TRPC4: variants seen among roughly 807,000 people sequenced by gnomAD.
TRPC4 encodes short transient receptor potential channel 4.
In TRPC4, 49 loss-of-function variants were observed where a neutral mutation model predicts 99.4. That is an observed-to-expected ratio of 0.49 (90% CI 0.39 to 0.63). The LOEUF (loss-of-function observed/expected upper bound fraction) is 0.63, where lower values mean the gene tolerates loss of function less well. Among genes scored for constraint, TRPC4 ranks in the 20% least tolerant of loss-of-function variants. TRPC4 has a pLI of 0.00. For missense variants in TRPC4, 898 were observed against 1,152.9 expected (o/e 0.78, Z 3.20); for synonymous variants, 454 against 425.9 (o/e 1.07, Z -0.81).
chr13:37,823,525 G>A (rs1250306929), intron 1 of TRPC4, among the ~76,000 whole-genome samples: 1 of 151,332 alleles, frequency 6.6e-6, no homozygotes, highest in Non-Finnish European at 1.5e-5. Context: ...TTATTAAATA[G>A]GGAATCCTTT....
At chr13:37,822,151 C>A (rs138509284) in intron 1 of TRPC4, among the ~76,000 whole-genome samples, 1 of 151,966 alleles carries the variant, frequency 6.6e-6, no homozygotes, top group Non-Finnish European at 1.5e-5. Flanking sequence ...CATGAACAGA[C>A]ACTTTTCCAA....
At chr13:37,845,213 A>T (rs1206796863) in intron 1 of TRPC4, among the ~76,000 whole-genome samples, 1 of 152,164 alleles carries the variant, frequency 6.6e-6, no homozygotes, top group Non-Finnish European at 1.5e-5. Flanking sequence ...CATCTCCTCA[A>T]ATGTGGAGGC....
rs1169557625 is a variant in TRPC4 at position 37,754,646 on chromosome 13, C to A, written c.379-8191G>T. ...AGTAGAAGAGGCAATTAAAAGAAGA[C>A]CCTGAAATTAAACCAAATAAATCCC... On this transcript the variant is annotated intron_variant, in intron 2 of 10. Coordinates refer to ENST00000379705, the MANE Select transcript of TRPC4 (RefSeq NM_016179.4). Among the ~76,000 whole-genome samples the A allele has an allele frequency of 2.0e-5, 3 of 152,116 alleles. No homozygotes were observed. In the East Asian group the frequency reaches 5.8e-4, roughly 29 times the overall value.
At chr13:37,696,339 A>C (rs973787261) in intron 3 of TRPC4, among the ~76,000 whole-genome samples, 1 of 152,280 alleles carries the variant, frequency 6.6e-6, no homozygotes, top group South Asian at 2.1e-4. Flanking sequence ...CATATCAACT[A>C]TCTAGAAAAG....
chr13:37,768,374 A>G (rs1324913828), intron 2 of TRPC4, among the ~76,000 whole-genome samples: 1 of 151,508 alleles, frequency 6.6e-6, no homozygotes, highest in Non-Finnish European at 1.5e-5. Flanking sequence ...CCATGTTACC[A>G]TGTAGCAGGG....
intron 1 of TRPC4, among the ~76,000 whole-genome samples, chr13:37,832,793 G>C (rs114109217): frequency 6.6e-6 from 1 of 152,138 alleles, no homozygotes; most frequent in African/African-American, 2.4e-5. Flanking sequence ...TAAATGTAAA[G>C]ATAACAGTTA....
At chr13:37,732,901 G>C (rs188928007) in intron 3 of TRPC4, among the ~76,000 whole-genome samples, 80 of 152,188 alleles carry the variant, frequency 5.3e-4, no homozygotes, top group African/African-American at 1.9e-3. Context: ...AGCAACTACG[G>C]ATTCAACTAC....
At chr13:37,722,519 T>C (rs1954906541) in intron 3 of TRPC4, among the ~76,000 whole-genome samples, 1 of 152,192 alleles carries the variant, frequency 6.6e-6, no homozygotes, top group African/African-American at 2.4e-5. Flanking sequence ...GGTCAGTCTT[T>C]TTAACATCAC....
At chr13:37,708,269 T>C (rs1954359930) in intron 3 of TRPC4, among the ~76,000 whole-genome samples, 1 of 152,122 alleles carries the variant, frequency 6.6e-6, no homozygotes, top group African/African-American at 2.4e-5. Flanking sequence ...TCTTCTCTAG[T>C]GCTGGAAAGT....
chr13:37,845,987 A>G (rs1231017144), intron 1 of TRPC4, among the ~76,000 whole-genome samples: 1 of 152,196 alleles, frequency 6.6e-6, no homozygotes, highest in Non-Finnish European at 1.5e-5. Context: ...TGTCAGCAGA[A>G]ACACTTCAGG....
chr13:37,742,393 A>G (rs1483463437), intron 3 of TRPC4, among the ~76,000 whole-genome samples: 2 of 152,186 alleles, frequency 1.3e-5, no homozygotes, highest in African/African-American at 4.8e-5. Context: ...AGCATCTGTG[A>G]CTTCATTCAG....
intron 3 of TRPC4, among the ~76,000 whole-genome samples, chr13:37,704,993 A>C (rs1954220812): frequency 6.6e-6 from 1 of 152,164 alleles, no homozygotes; most frequent in Non-Finnish European, 1.5e-5. Flanking sequence ...AGATATCTGC[A>C]CTTCTGTGTT....
intron 1 of TRPC4, among the ~76,000 whole-genome samples, chr13:37,818,900 T>C (rs981448657): frequency 2.0e-5 from 3 of 151,926 alleles, no homozygotes; most frequent in African/African-American, 7.3e-5. Flanking sequence ...CGTATACCTA[T>C]GTAACAAACC....
intron 6 of TRPC4, among the ~76,000 whole-genome samples, chr13:37,659,018 A>G (rs1056709927): frequency 2.0e-5 from 3 of 152,198 alleles, no homozygotes; most frequent in African/African-American, 4.8e-5. Context: ...GGGGATTTGT[A>G]TTTATAATCC....
intron 2 of TRPC4, among the ~76,000 whole-genome samples, chr13:37,768,502 A>C (rs889858216): frequency 4.7e-5 from 6 of 127,996 alleles, no homozygotes; most frequent in Non-Finnish European, 1.1e-4. Flanking sequence ...GATGTTGATA[A>C]ATTCATGGGA....
chr13:37,663,221 A>G (rs1165237248), intron 6 of TRPC4, among the ~76,000 whole-genome samples, 195 bp downstream of exon 6: 1 of 152,196 alleles, frequency 6.6e-6, no homozygotes, highest in Non-Finnish European at 1.5e-5. Flanking sequence ...TTTAAAATAA[A>G]TGTGTCAGGT....
intron 3 of TRPC4, among the ~76,000 whole-genome samples, chr13:37,740,965 G>A (rs866023538): frequency 4.6e-5 from 7 of 152,096 alleles, no homozygotes; most frequent in African/African-American, 7.2e-5. Flanking sequence ...TGTGTAGGAC[G>A]AAACCCAAAT....
At chr13:37,715,234 C>T (rs1346467184) in intron 3 of TRPC4, among the ~76,000 whole-genome samples, 1 of 152,088 alleles carries the variant, frequency 6.6e-6, no homozygotes, top group Admixed American at 6.6e-5. Flanking sequence ...CGTGATATTG[C>T]CAAAGCCAAG....
intron 4 of TRPC4, among the ~76,000 whole-genome samples, chr13:37,677,428 C>G (rs1953098294): frequency 6.6e-6 from 1 of 151,844 alleles, no homozygotes; most frequent in Admixed American, 6.6e-5. Flanking sequence ...AGGCATAACT[C>G]TATCACAATT....
Sources: gnomAD v4.1 joint callset for allele counts (sites outside exome capture counted in the v4.1 genomes callset) on GRCh38, gnomAD v4.1.1 for gene constraint, MANE v1.5 for transcripts, NCBI Gene and HGNC (gene_info 2026-07-23, HGNC 2026-07-21) for gene names.